Variants in RRAS2 observed in about 807,000 individuals in gnomAD.
RRAS2 encodes ras-related protein R-Ras2.
A neutral mutation model predicts 27.6 loss-of-function variants in RRAS2; 7 were observed. The observed-to-expected ratio is 0.25, with a 90% CI of 0.14 to 0.48. RRAS2 has a LOEUF of 0.48. Among genes scored for constraint, RRAS2 ranks in the 20% least tolerant of loss-of-function variants. The pLI is 0.99. For synonymous variants in RRAS2, 86 were observed against 90.9 expected (o/e 0.95, Z 0.31); for missense variants, 178 against 256.2 (o/e 0.69, Z 2.08).
In RRAS2 at chr11:14,295,802, C is replaced by T; in HGVS notation, c.162G>A (p.Gln54=). 1 of 1,613,442 alleles carries T rather than the reference C, an allele frequency of 6.2e-7. No homozygotes were observed. Among genetic ancestry groups the T allele is most frequent in the Non-Finnish European group, 8.5e-7 (1 of 1,179,600 alleles). Residue 54 remains glutamine (Q), a synonymous_variant, in exon 2 of 6, where the codon CAG becomes CAA. Transcript: ENST00000256196. ...DPTIEDSYTK[Q]CVIDDRAARL... ...GGGCTGCTCTGTCATCTATCACACA[C>T]TGCTTTGTGTAAGAATCTTCAATGG...
chr11:14,358,612 C>T lies in RRAS2; in HGVS notation c.108+151G>A, dbSNP rs1849134369. 1 of 980,832 alleles carries T rather than the reference C, an allele frequency of 1.0e-6. No homozygotes were observed. The highest frequency in any genetic ancestry group is 1.8e-5 in the African/African-American group (1 of 56,966). 60.8% of individuals were successfully genotyped at this position (980,832 alleles called of 1,614,324 possible). A position where few individuals can be genotyped will look rare whatever the true frequency, so the allele number is the denominator to read the frequency against. On this transcript the variant is annotated intron_variant, in intron 1 of 5. Transcript: ENST00000256196. This position sits in a 1 kb window ranked among gnomAD's most constrained non-coding sequence, Gnocchi z 5.1. ...CGACGCTGCGGCCGCAGGGCAGGAG[C>T]GTAGTCGGCCCCGCGCCCTCCCGCC...
intron 1 of RRAS2, among the ~76,000 whole-genome samples, chr11:14,333,648 C>G (rs1248561146): frequency 7.1e-6 from 1 of 141,510 alleles, no homozygotes; most frequent in African/African-American, 2.5e-5. Context: ...CACCCCCACC[C>G]TGCCCCTTTT....
At chr11:14,353,842 G>C (rs1034824728) in intron 1 of RRAS2, among the ~76,000 whole-genome samples, 6 of 152,134 alleles carry the variant, frequency 3.9e-5, no homozygotes, top group Admixed American at 3.9e-4. Context: ...TTGCCTGCAG[G>C]ACCATTTCAA....
At chr11:14,319,844 G>C (rs1848188365) in intron 1 of RRAS2, among the ~76,000 whole-genome samples, 1 of 152,168 alleles carries the variant, frequency 6.6e-6, no homozygotes, top group African/African-American at 2.4e-5. Flanking sequence ...TCAGAGCGCA[G>C]AAAAGTTGTG....
At chr11:14,320,978 C>T (rs150351564) in intron 1 of RRAS2, among the ~76,000 whole-genome samples, 1,569 of 152,024 alleles carry the variant, frequency 0.01, 14 homozygotes, top group Non-Finnish European at 0.015. Context: ...GTCAGGAGTT[C>T]GAGACCAGCC....
At chr11:14,339,300 G>C (rs1195077517) in intron 1 of RRAS2, among the ~76,000 whole-genome samples, 11 of 129,626 alleles carry the variant, frequency 8.5e-5, no homozygotes, top group Non-Finnish European at 1.3e-4. Flanking sequence ...AAAAGGGGGG[G>C]GGGGGAAGAA....
rs782493027 is a variant in RRAS2, at chr11:14,284,260, A to AC, written c.409-2541_409-2540insG. Among the ~76,000 whole-genome samples the AC allele has an allele frequency of 1.8e-4, 28 of 152,242 alleles. No homozygotes were observed. The East Asian group carries it at 3.5e-3, about 19-fold the overall frequency. On this transcript the variant is annotated intron_variant, in intron 4 of 5. Coordinates refer to ENST00000256196, the MANE Select transcript of RRAS2 (RefSeq NM_012250.6). ...TTTCATTCAGTTCATGATACTTTGT[A>AC]ATTTCCCTTTTCATTTTCTTGACCC...
At chr11:14,350,425 A>C (rs1591489926) in intron 1 of RRAS2, among the ~76,000 whole-genome samples, 1 of 151,978 alleles carries the variant, frequency 6.6e-6, no homozygotes, top group South Asian at 2.1e-4. Context: ...GCTTCCTCTC[A>C]CCATGTGATC....
intron 1 of RRAS2, among the ~76,000 whole-genome samples, chr11:14,316,580 CTAAA>C (rs1171103668): frequency 2.6e-5 from 4 of 152,166 alleles, no homozygotes; most frequent in South Asian, 2.1e-4. Flanking sequence ...TCTCTACCTA[CTAAA>C]TAAATAAATA....
chr11:14,308,553 C>T lies in RRAS2; in HGVS notation c.109-12698G>A, dbSNP rs545148213. Among the ~76,000 whole-genome samples, 21 of 152,214 alleles carry T rather than the reference C, an allele frequency of 1.4e-4. No homozygotes were observed. The South Asian group carries it at 4.1e-3, about 30-fold the overall frequency. On this transcript the variant is annotated intron_variant, in intron 1 of 5. Transcript: ENST00000256196. Reference sequence around the variant, plus strand: ...GCCAAATATAATTTATAGGTGCTATCGAGGACTTCCTTGTTTTAAATTTGT... The same window carrying T: ...GCCAAATATAATTTATAGGTGCTATTGAGGACTTCCTTGTTTTAAATTTGT...
chr11:14,277,996 G>A lies in RRAS2; in HGVS notation c.*1341C>T, dbSNP rs1292869099. On this transcript the variant is annotated 3_prime_UTR_variant, in exon 6 of 6. Coordinates refer to ENST00000256196, the MANE Select transcript of RRAS2 (RefSeq NM_012250.6). ...TATGCTCTATAAACTTCATGGGACTGTTGTACACACTTGATAAAGTGACAA... is the reference window on the plus strand; with the variant it reads ...TATGCTCTATAAACTTCATGGGACTATTGTACACACTTGATAAAGTGACAA... 6.6e-6 allele frequency: 1 copy of A among 152,226 alleles called. No individual in the cohort carries two copies. Among genetic ancestry groups the A allele is most frequent in the Non-Finnish European group, 1.5e-5 (1 of 68,042 alleles). The allele number at this position is 152,226 out of a possible 1,614,324, so 9.4% of individuals were successfully genotyped here. A position where few individuals can be genotyped will look rare whatever the true frequency, so the allele number is the denominator to read the frequency against.
intron 1 of RRAS2, among the ~76,000 whole-genome samples, chr11:14,302,164 T>G (rs1847732122): frequency 6.6e-6 from 1 of 150,988 alleles, no homozygotes; most frequent in African/African-American, 2.4e-5. Flanking sequence ...CTTGAGCTCC[T>G]GCTCAGCTCA....
Position 14,306,110 on chromosome 11 carries a change from A to G in RRAS2, c.109-10255T>C, listed in dbSNP as rs988770501. 2.0e-5 allele frequency among the ~76,000 whole-genome samples: 3 copies of G among 151,442 alleles called. No homozygotes were observed. The East Asian group carries it at 5.8e-4, about 29-fold the overall frequency. ...TTTACAACAGACACCCTACGGATGT[A>G]AAATAGTCTCTCACTGCAGTTTTAA... On this transcript the variant is annotated intron_variant, in intron 1 of 5. Coordinates refer to ENST00000256196, the MANE Select transcript of RRAS2 (RefSeq NM_012250.6).
chr11:14,330,469 G>A (rs1347339440), intron 1 of RRAS2, among the ~76,000 whole-genome samples: 1 of 152,126 alleles, frequency 6.6e-6, no homozygotes, highest in Non-Finnish European at 1.5e-5. Context: ...CCATGATTGT[G>A]CTACTGCACT....
At chr11:14,294,885 A>G (rs372055856) in intron 2 of RRAS2, 23 bp from the exon 3 acceptor site, 3 of 1,600,678 alleles carry the variant, frequency 1.9e-6, no homozygotes, top group Non-Finnish European at 2.6e-6. Context: ...CAACAAATGT[A>G]ATTATACTTG....
chr11:14,293,643 CGT>C (rs1847471581), intron 4 of RRAS2, among the ~76,000 whole-genome samples: 1 of 152,142 alleles, frequency 6.6e-6, no homozygotes, highest in Non-Finnish European at 1.5e-5. Flanking sequence ...TCATGTAAGA[CGT>C]GTCTTTGCTC....
chr11:14,324,238 C>T (rs577845354), intron 1 of RRAS2, among the ~76,000 whole-genome samples: 7 of 151,600 alleles, frequency 4.6e-5, no homozygotes, highest in Non-Finnish European at 1.0e-4. Flanking sequence ...TACATAGTCC[C>T]CTCAACCTGT....
chr11:14,354,519 G>A (rs887049164), intron 1 of RRAS2: 4 of 152,110 alleles, frequency 2.6e-5, no homozygotes, highest in Admixed American at 6.5e-5. Flanking sequence ...AAGGAGGGGA[G>A]TATAGGGTTG....
chr11:14,327,220 A>C (rs566261507), intron 1 of RRAS2, among the ~76,000 whole-genome samples: 2 of 152,358 alleles, frequency 1.3e-5, no homozygotes, highest in South Asian at 4.1e-4. Flanking sequence ...TGCATACATG[A>C]ATTTCTTAAC....
Sources: gnomAD v4.1 joint callset for allele counts (sites outside exome capture counted in the v4.1 genomes callset) on GRCh38, gnomAD v4.1.1 for gene constraint, Gnocchi (gnomAD v3.1) non-coding constraint, MANE v1.5 for transcripts, NCBI Gene and HGNC (gene_info 2026-07-23, HGNC 2026-07-21) for gene names.